Variants in EVA1A observed in about 807,000 individuals in gnomAD.
The protein encoded by EVA1A is protein eva-1 homolog A.
Under a neutral mutation model 9.8 loss-of-function variants are expected in EVA1A, and 7 were observed. The ratio of observed to expected loss-of-function variants is 0.71; its 90% CI spans 0.41 to 1.34. EVA1A has a LOEUF of 1.34. Among genes scored for constraint, EVA1A ranks in the 40% most tolerant of loss-of-function variants. The pLI, the probability that EVA1A is intolerant of heterozygous loss-of-function variation, is 0.01. For synonymous variants in EVA1A, 90 were observed against 85.6 expected, an observed-to-expected ratio of 1.05 and a Z score of -0.28; for missense variants, 206 against 205.9, an observed-to-expected ratio of 1.00 and a Z score of 0.00.
chr2:75,534,003 G>A (rs1208720672), intron 1 of EVA1A, among the ~76,000 whole-genome samples: 2 of 151,630 alleles, frequency 1.3e-5, no homozygotes, highest in African/African-American at 2.4e-5. Context: ...TAGTAGAGAC[G>A]GGGTTTCACT....
chr2:75,533,786 ATTATT>A (rs547573499), intron 1 of EVA1A, among the ~76,000 whole-genome samples: 11 of 150,822 alleles, frequency 7.3e-5, no homozygotes, highest in East Asian at 5.8e-4. Context: ...AATAATAATT[ATTATT>A]TTATTTTATT....
rs182954702 is a variant in EVA1A, at chr2:75,534,355, C to T, written c.-191-11868G>A. On this transcript the variant is annotated intron_variant, in intron 1 of 3. Transcript: ENST00000393913. ...AGCATGGTAAGGTTTTTATATTTCA[C>T]TCAAACTGGTGAAATGGCACCAGCA... Among the ~76,000 whole-genome samples, 3 of 152,186 alleles carry T rather than the reference C, an allele frequency of 2.0e-5. No homozygotes were observed. In the East Asian group the frequency reaches 5.8e-4, roughly 29 times the overall value.
upstream of EVA1A, among the ~76,000 whole-genome samples, chr2:75,562,927 G>A (rs1676954430): frequency 6.6e-6 from 1 of 152,232 alleles, no homozygotes; most frequent in African/African-American, 2.4e-5. Flanking sequence ...TAGGGCACAG[G>A]TGCCAATAGG....
intron 1 of EVA1A, among the ~76,000 whole-genome samples, chr2:75,567,737 T>G (rs1362163732): frequency 1.3e-5 from 2 of 152,256 alleles, no homozygotes; most frequent in Non-Finnish European, 2.9e-5. Context: ...GATGGCAATG[T>G]GTTCATGTCC....
chr2:75,553,770 A>T (rs1277399041), intron 1 of EVA1A, among the ~76,000 whole-genome samples: 3 of 152,198 alleles, frequency 2.0e-5, no homozygotes, highest in African/African-American at 7.2e-5. Context: ...ACACTGGAGA[A>T]TGTCCAGGCC....
intron 3 of EVA1A, among the ~76,000 whole-genome samples, chr2:75,499,976 T>C (rs1008125178): frequency 1.3e-5 from 2 of 152,222 alleles, no homozygotes; most frequent in African/African-American, 2.4e-5. Context: ...CTTTCCTATA[T>C]TGGATCCGCC....
chr2:75,527,557 A>C (rs1374477339), intron 1 of EVA1A, among the ~76,000 whole-genome samples: 1 of 152,236 alleles, frequency 6.6e-6, no homozygotes, highest in Non-Finnish European at 1.5e-5. Flanking sequence ...AGGAGGAGTC[A>C]ATCAATTGAT....
intron 3 of EVA1A, among the ~76,000 whole-genome samples, chr2:75,504,082 C>G (rs904631637): frequency 1.3e-5 from 2 of 152,014 alleles, no homozygotes; most frequent in African/African-American, 4.8e-5. Flanking sequence ...AGGGAGTGCT[C>G]AGCAAAATCT....
At chr2:75,533,285 T>C (rs1370314061) in intron 1 of EVA1A, among the ~76,000 whole-genome samples, 3 of 152,104 alleles carry the variant, frequency 2.0e-5, no homozygotes, top group South Asian at 2.1e-4. Flanking sequence ...GGATGTTTCA[T>C]TGGAAACCAT....
intron 3 of EVA1A, among the ~76,000 whole-genome samples, chr2:75,498,717 ACTACATGTTGTCAAT>A (rs1420554229): frequency 6.6e-6 from 1 of 152,162 alleles, no homozygotes; most frequent in Admixed American, 6.5e-5. Context: ...TTAAAAGTGA[ACTACATGTTGTCAAT>A]GTATCTGTAC....
exon 1 of EVA1A, chr2:75,569,633 C>T (rs556185476): frequency 1.1e-4 from 16 of 152,362 alleles, no homozygotes; most frequent in African/African-American, 3.1e-4. Context: ...CAGGGTCAGC[C>T]GCTACATATC....
chr2:75,562,836 G>A (rs1572998875), upstream of EVA1A, among the ~76,000 whole-genome samples: 1 of 152,226 alleles, frequency 6.6e-6, no homozygotes, highest in Non-Finnish European at 1.5e-5. Flanking sequence ...AGAGGTTTGT[G>A]TGCCGAGTAC....
At position 75,566,370 on chromosome 2, in the gene EVA1A, T is replaced by A. The variant is rs995468945; in HGVS notation, c.-192+3106A>T. 9.2e-5 allele frequency among the ~76,000 whole-genome samples: 14 copies of A among 152,246 alleles called. 1 individual carries two copies. The highest frequency in any genetic ancestry group is 6.5e-4 in the Admixed American group (10 of 15,306). The stretch of plus-strand genomic sequence containing the variant: ...ACGTTCTCCAGGCCTTGTCTTTTTT[T>A]TCAGAAAGCAAAGTTTTACCTGTAC... On this transcript the variant is annotated intron_variant, in intron 1 of 3. Coordinates refer to the EVA1A transcript ENST00000233712.
chr2:75,495,102 C>T (rs1366558134), intron 3 of EVA1A, among the ~76,000 whole-genome samples: 1 of 152,148 alleles, frequency 6.6e-6, no homozygotes, highest in Non-Finnish European at 1.5e-5. Context: ...ACCAATTTCC[C>T]CTGAGTCCCC....
chr2:75,531,684 TCTCAC>T (rs1314590949), intron 1 of EVA1A, among the ~76,000 whole-genome samples: 1 of 152,130 alleles, frequency 6.6e-6, no homozygotes, highest in African/African-American at 2.4e-5. Context: ...CATTGTATGT[TCTCAC>T]CTTTAAGTGG....
chr2:75,508,109 G>A (rs571064132), intron 3 of EVA1A, among the ~76,000 whole-genome samples: 1 of 152,180 alleles, frequency 6.6e-6, no homozygotes, highest in South Asian at 2.1e-4. Context: ...AATCCTGTCA[G>A]CTGAGGAGGA....
intron 3 of EVA1A, among the ~76,000 whole-genome samples, chr2:75,516,081 C>T (rs578202946): frequency 2.6e-5 from 4 of 152,312 alleles, no homozygotes; most frequent in South Asian, 2.1e-4. Flanking sequence ...AGGGGCCCTG[C>T]GGGGTTGAAG....
intron 1 of EVA1A, among the ~76,000 whole-genome samples, chr2:75,522,955 T>C (rs1393348287): frequency 6.6e-6 from 1 of 152,212 alleles, no homozygotes; most frequent in Non-Finnish European, 1.5e-5. Flanking sequence ...TGCTGATATG[T>C]AGATTCCGAC....
intron 3 of EVA1A, among the ~76,000 whole-genome samples, chr2:75,509,931 G>T (rs1481138952): frequency 6.6e-6 from 1 of 151,994 alleles, no homozygotes; most frequent in African/African-American, 2.4e-5. Flanking sequence ...GAAGTGGGGG[G>T]TGGGAAATGG....
Sources: gnomAD v4.1 joint callset for allele counts (sites outside exome capture counted in the v4.1 genomes callset) on GRCh38, gnomAD v4.1.1 for gene constraint, MANE v1.5 for transcripts, NCBI Gene and HGNC (gene_info 2026-07-23, HGNC 2026-07-21) for gene names.